Variants in ARMC3 observed in about 807,000 individuals in gnomAD.
ARMC3 encodes armadillo repeat-containing protein 3.
ARMC3 carries 74 observed loss-of-function variants against 90.3 expected under a neutral mutation model. The observed-to-expected ratio is 0.82, with a 90% confidence interval of 0.68 to 0.99. The LOEUF (loss-of-function observed/expected upper bound fraction) is 0.99, where lower values mean the gene tolerates loss of function less well. ARMC3 is among the 50% of genes least tolerant of loss of function. The probability of loss-of-function intolerance (pLI) is 0.00; values close to 1 mark genes in which losing one functional copy is unlikely to be tolerated. For missense variants in ARMC3, 958 were observed against 1,042.8 expected (o/e 0.92, Z 1.12); for synonymous variants, 334 against 361.8 (o/e 0.92, Z 0.87).
chr10:23,000,346 C>A (rs1352882615), intron 11 of ARMC3, among the ~76,000 whole-genome samples: 1 of 152,114 alleles, frequency 6.6e-6, no homozygotes. Context: ...CCAGCTCTAC[C>A]CTCCTGTCCC....
intron 17 of ARMC3, 99 bp downstream of exon 17, chr10:23,030,895 T>C (rs11013262): frequency 0.08 from 107,516 of 1,350,748 alleles, 5,092 homozygotes; most frequent in African/African-American, 0.19. Flanking sequence ...ATAAATAAAA[T>C]TGAAGTTTAC....
In ARMC3 at chr10:22,959,126, C is replaced by T. The variant is rs200635938; in HGVS notation, c.349C>T (p.Leu117Phe). 157 of 1,613,076 alleles carry T rather than the reference C, an allele frequency of 9.7e-5. No homozygotes were observed. Among genetic ancestry groups the T allele is most frequent in the Non-Finnish European group, 1.2e-4 (146 of 1,179,228 alleles). Residue 117 changes from leucine (L) to phenylalanine (F), a missense_variant, in exon 5 of 19, where the codon CTC becomes TTC. Coordinates refer to ENST00000298032, the MANE Select transcript of ARMC3 (RefSeq NM_173081.5). The part of the protein sequence containing the change: ...LDVMNSVIAQ[L>F]APEEEVVIHE... ...TGTCATGAATTCTGTCATTGCCCAG[C>T]TCGCTCCAGAAGGTAACTTTGCATT...
At chr10:22,956,781 T>C (rs930314971) in intron 4 of ARMC3, among the ~76,000 whole-genome samples, 1 of 148,298 alleles carries the variant, frequency 6.7e-6, no homozygotes, top group African/African-American at 2.5e-5. Flanking sequence ...AATATATTAA[T>C]ATATTAGTAT....
chr10:23,004,754 C>T (rs1837491598), intron 13 of ARMC3, among the ~76,000 whole-genome samples: 1 of 152,088 alleles, frequency 6.6e-6, no homozygotes. Context: ...AACAGCTTGC[C>T]TAAAACTTGA....
chr10:23,035,025 A>G (rs961992287), intron 18 of ARMC3, among the ~76,000 whole-genome samples: 3 of 152,196 alleles, frequency 2.0e-5, no homozygotes, highest in Non-Finnish European at 4.4e-5. Context: ...AGACTGGAAG[A>G]TTAAACAGCA....
At chr10:22,959,302 T>C in intron 5 of ARMC3, 97 bp from the exon 6 acceptor site, 3 of 1,380,686 alleles carry the variant, frequency 2.2e-6, no homozygotes, top group Non-Finnish European at 3.0e-6. Context: ...TTAAGCAAGA[T>C]ACAATTTGTG....
intron 13 of ARMC3, among the ~76,000 whole-genome samples, chr10:23,005,029 C>T (rs927440732): frequency 3.3e-5 from 5 of 151,496 alleles, no homozygotes; most frequent in Admixed American, 6.6e-5. Context: ...CTGGCTAACA[C>T]GGTGGAACCC....
chr10:22,928,264 G>A (rs1833792549), intron 1 of ARMC3, among the ~76,000 whole-genome samples, 158 bp downstream of exon 1: 1 of 152,158 alleles, frequency 6.6e-6, no homozygotes, highest in African/African-American at 2.4e-5. Flanking sequence ...GGGTTAGACG[G>A]GGCTTGGGGT....
In ARMC3 at chr10:22,998,323, G is replaced by A. The variant is rs778762835; in HGVS notation, c.1351G>A (p.Ala451Thr). 13 of 1,613,492 alleles carry A rather than the reference G, an allele frequency of 8.1e-6. No individual in the cohort carries two copies. In the South Asian group the frequency reaches 1.3e-4, roughly 16 times the overall value. ...TGCCATCATCAGCCCACTGCGTTCT[G>A]CAAACACAGTCGTGCAGAGCAAAGC... ...MHAIISPLRS[A>T]NTVVQSKAAL... The change falls in exon 11 of 19, where the codon GCA (alanine) becomes ACA (threonine). Residue 451 changes from alanine to threonine, a missense_variant. By Grantham distance (58) the Ala-to-Thr change is moderately conservative. Coordinates refer to ENST00000298032, the MANE Select transcript of ARMC3 (RefSeq NM_173081.5).
intron 4 of ARMC3, among the ~76,000 whole-genome samples, chr10:22,956,457 G>T (rs2131236811): frequency 1.3e-5 from 2 of 152,190 alleles, no homozygotes; most frequent in African/African-American, 4.8e-5. Flanking sequence ...ACAAAAAGTA[G>T]CCAGGAATAG....
chr10:22,930,126 ACTCT>A (rs952360587), intron 1 of ARMC3, among the ~76,000 whole-genome samples: 8 of 151,432 alleles, frequency 5.3e-5, no homozygotes, highest in South Asian at 4.2e-4. Context: ...AGTGCTATAA[ACTCT>A]CTCTTTTTTT....
chr10:22,992,253 G>A (rs1483178303), intron 10 of ARMC3, among the ~76,000 whole-genome samples: 1 of 152,204 alleles, frequency 6.6e-6, no homozygotes, highest in East Asian at 1.9e-4. Context: ...TTGTGGAAGT[G>A]CTGGGGTAGC....
chr10:22,958,744 C>T (rs1031938345), intron 4 of ARMC3, among the ~76,000 whole-genome samples: 3 of 152,148 alleles, frequency 2.0e-5, no homozygotes, highest in African/African-American at 7.2e-5. Flanking sequence ...TATTTCGAGA[C>T]AGGGTCTCAC....
chr10:22,946,484 G>T, intron 3 of ARMC3: 1 of 313,280 alleles, frequency 3.2e-6, no homozygotes. Flanking sequence ...CAGTCATTCT[G>T]AAAGTTTCAT....
At chr10:22,971,825 A>G (rs992462465) in intron 8 of ARMC3, among the ~76,000 whole-genome samples, 1 of 152,108 alleles carries the variant, frequency 6.6e-6, no homozygotes, top group Admixed American at 6.6e-5. Context: ...AATGCACAAG[A>G]GTTCCAATTT....
chr10:22,931,991 TC>T lies in ARMC3; in HGVS notation c.-1-3del. ...ACTTTAACCATATATTGCATCTTTT[TC>T]CAGGATGGGTAAAAAGATAAAGAAG... On this transcript the variant is annotated splice_polypyrimidine_tract_variant and splice_region_variant and intron_variant, in intron 1 of 18. Transcript: ENST00000298032. 1 of 1,605,346 alleles carries T rather than the reference TC, an allele frequency of 6.2e-7. No individual in the cohort carries two copies. The highest frequency in any genetic ancestry group is 1.1e-5 in the South Asian group (1 of 89,338).
intron 3 of ARMC3, among the ~76,000 whole-genome samples, chr10:22,947,896 A>C (rs755140137): frequency 7.2e-5 from 11 of 152,154 alleles, no homozygotes; most frequent in Non-Finnish European, 1.0e-4. Flanking sequence ...AACATACAAG[A>C]TGCCTATATT....
chr10:23,032,740 A>T, intron 17 of ARMC3, 121 bp from the exon 18 acceptor site: 1 of 1,065,878 alleles, frequency 9.4e-7, no homozygotes, highest in Non-Finnish European at 1.3e-6. Flanking sequence ...CTCAAAAATA[A>T]AGCACAACAA....
chr10:22,934,999 A>C (rs1441969703), intron 2 of ARMC3, among the ~76,000 whole-genome samples: 1 of 152,130 alleles, frequency 6.6e-6, no homozygotes, highest in African/African-American at 2.4e-5. Context: ...GCAAGCATGG[A>C]AATTGTAGTC....
Sources: allele counts gnomAD v4.1 joint callset (sites outside exome capture counted in the v4.1 genomes callset), GRCh38; gene constraint gnomAD v4.1.1; transcripts MANE v1.5; gene names NCBI Gene and HGNC (gene_info 2026-07-23, HGNC 2026-07-21).